Variants in ENPEP observed in about 807,000 individuals in gnomAD.
ENPEP encodes the protein glutamyl aminopeptidase.
In ENPEP, 103 loss-of-function variants were observed where a neutral mutation model predicts 114.5. That is an observed-to-expected ratio of 0.90 (90% CI 0.77 to 1.06). The LOEUF is 1.06. ENPEP is among the 50% of genes least tolerant of loss of function. The pLI, the probability that ENPEP is intolerant of heterozygous loss-of-function variation, is 0.00. For missense variants in ENPEP, 1,196 were observed against 1,161.3 expected (o/e 1.03, Z -0.43); for synonymous variants, 420 against 422.0 (o/e 1.00, Z 0.06).
intron 3 of ENPEP, 76 bp from the exon 4 acceptor site, chr4:110,506,561 T>A (rs1725374665): frequency 6.8e-7 from 1 of 1,461,548 alleles, no homozygotes; most frequent in East Asian, 2.4e-5. Context: ...CTTTCAAGTA[T>A]GTTATGCATC....
intron 1 of ENPEP, among the ~76,000 whole-genome samples, chr4:110,480,476 T>C (rs1367365011): frequency 2.0e-5 from 3 of 152,166 alleles, no homozygotes; most frequent in Non-Finnish European, 4.4e-5. Context: ...GACGTTTGTA[T>C]CATTTTAAAC....
chr4:110,561,446 G>T lies in ENPEP; in HGVS notation c.2762G>T (p.Gly921Val). ...FFAKYPQAGA[G>V]EKPREQVLET... ...GCAAAATATCCACAAGCTGGAGCAG[G>T]AGAAAAACCTAGGGAACAAGTGCTG... The change falls in exon 20 of 20, where the codon GGA becomes GTA. Residue 921 changes from glycine to valine, a missense_variant. Transcript: ENST00000265162. 2.5e-6 allele frequency: 4 copies of T among 1,614,020 alleles called. No individual in the cohort carries two copies. The highest frequency in any genetic ancestry group is 3.4e-6 in the Non-Finnish European group (4 of 1,179,942).
chr4:110,510,754 A>G (rs1725545769), intron 6 of ENPEP, among the ~76,000 whole-genome samples: 1 of 152,242 alleles, frequency 6.6e-6, no homozygotes, highest in Non-Finnish European at 1.5e-5. Context: ...AAACAGTGTG[A>G]TGAAGAGATA....
rs983373908 is a variant in ENPEP, at chr4:110,562,175, T to A, written c.*617T>A. On this transcript the variant is annotated 3_prime_UTR_variant, in exon 20 of 20. Coordinates refer to ENST00000265162, the MANE Select transcript of ENPEP (RefSeq NM_001977.4). ...TAAAATCAATAAGAGAACTCTCCTC[T>A]TTTTTTAAAAATAAATCTAAATGAT... 9.2e-5 allele frequency: 14 copies of A among 152,128 alleles called. No individual in the cohort carries two copies. The highest frequency in any genetic ancestry group is 3.4e-4 in the African/African-American group (14 of 41,434). The allele number at this position is 152,128 out of a possible 1,614,324, so 9.4% of individuals were successfully genotyped here.
Position 110,520,290 on chromosome 4 carries a change from G to A in ENPEP, c.1651G>A (p.Gly551Ser), listed in dbSNP as rs754130501. 29 of 1,613,722 alleles carry A rather than the reference G, an allele frequency of 1.8e-5. No individual in the cohort carries two copies. The highest frequency in any genetic ancestry group is 1.6e-4 in the Middle Eastern group (1 of 6,080). ...QMGYPVLNVN[G>S]VKNITQKRFL... ...GGGTTATCCTGTGCTTAACGTGAAC[G>A]GTGTCAAGAACATCACACAGAAACG... The change falls in exon 10 of 20, where the codon GGT becomes AGT. Residue 551 changes from glycine to serine, a missense_variant. Physicochemically the swap from Gly to Ser is moderately conservative, Grantham distance 56. Transcript: ENST00000265162.
At position 110,561,850 on chromosome 4, in the gene ENPEP, C is replaced by A. The variant is rs1727692540; in HGVS notation, c.*292C>A. 1 of 201,040 alleles carries A rather than the reference C, an allele frequency of 5.0e-6. No homozygotes were observed. The allele number at this position is 201,040 out of a possible 1,614,324, so 12.5% of individuals were successfully genotyped here. ...TATTTTAATACCTTTAAATATCATT[C>A]TTTGTATCTTAAATCTGTGAAGTAG... On this transcript the variant is annotated 3_prime_UTR_variant, in exon 20 of 20. Coordinates refer to ENST00000265162, the MANE Select transcript of ENPEP (RefSeq NM_001977.4).
chr4:110,561,565 C>A lies in ENPEP; in HGVS notation c.*7C>A. 1.2e-6 allele frequency: 2 copies of A among 1,604,006 alleles called. No individual in the cohort carries two copies. The highest frequency in any genetic ancestry group is 1.1e-5 in the South Asian group (1 of 89,294). On this transcript the variant is annotated 3_prime_UTR_variant, in exon 20 of 20. Transcript: ENST00000265162. ...TTTACTTGAGAGTGGTTAATGTATT[C>A]AAATGTTAGAGTTTAATTTTGTGAA... is the stretch of plus-strand genomic sequence containing the variant.
intron 1 of ENPEP, among the ~76,000 whole-genome samples, chr4:110,480,142 A>G (rs1286376526): frequency 3.3e-5 from 5 of 152,220 alleles, no homozygotes; most frequent in Admixed American, 2.0e-4. Flanking sequence ...CCAAGTTTGT[A>G]TGTTTCATTG....
chr4:110,512,217 A>C (rs1725602792), intron 6 of ENPEP, among the ~76,000 whole-genome samples: 1 of 152,248 alleles, frequency 6.6e-6, no homozygotes, highest in South Asian at 2.1e-4. Context: ...AATAAATACC[A>C]CAATCATGGA....
rs1049101835 is a variant in ENPEP at position 110,513,518 on chromosome 4, C to A, written c.1412C>A (p.Thr471Lys). ...ACTGTGACAACCCCTGATGAAATAA[C>A]ATCTGTTTTTGATGGAATATCCTAT... Reference protein sequence around the residue: ...IVTVTTPDEITSVFDGISYSK... With the variant: ...IVTVTTPDEIKSVFDGISYSK... Residue 471 changes from threonine to lysine, a missense_variant, in exon 7 of 20, where the codon ACA becomes AAA. By Grantham distance (78) the Thr-to-Lys change is moderately conservative. Transcript: ENST00000265162. The A allele has an allele frequency of 6.2e-7, 1 of 1,613,234 alleles. No individual in the cohort carries two copies. Among genetic ancestry groups the A allele is most frequent in the African/African-American group, 1.3e-5 (1 of 75,004 alleles).
intron 3 of ENPEP, chr4:110,506,405 C>A (rs557748535): frequency 2.9e-5 from 12 of 408,990 alleles, no homozygotes; most frequent in Admixed American, 2.1e-4. Context: ...TCATTAAAAT[C>A]ACTTAGTGAG....
chr4:110,560,719 A>T (rs1320447649), intron 19 of ENPEP, among the ~76,000 whole-genome samples: 1 of 152,154 alleles, frequency 6.6e-6, no homozygotes, highest in East Asian at 1.9e-4. Flanking sequence ...TAGTTTTGCA[A>T]TTTCAAAACT....
intron 6 of ENPEP, among the ~76,000 whole-genome samples, chr4:110,510,919 A>G (rs571691767): frequency 6.6e-6 from 1 of 152,306 alleles, no homozygotes; most frequent in East Asian, 1.9e-4. Context: ...TCTATCTTGT[A>G]AGCTTAAAAG....
intron 3 of ENPEP, among the ~76,000 whole-genome samples, chr4:110,504,508 C>T (rs1443187837): frequency 1.3e-5 from 2 of 152,092 alleles, no homozygotes; most frequent in Non-Finnish European, 2.9e-5. Flanking sequence ...GGGGCCACTG[C>T]ACTGCTGGCC....
intron 3 of ENPEP, among the ~76,000 whole-genome samples, chr4:110,505,368 G>A (rs1288810120): frequency 1.3e-5 from 2 of 151,488 alleles, no homozygotes; most frequent in Admixed American, 6.6e-5. Context: ...TGCCGTCTTC[G>A]GAGGTGAAGA....
intron 1 of ENPEP, among the ~76,000 whole-genome samples, chr4:110,485,632 A>G (rs1256805112): frequency 2.6e-5 from 4 of 152,180 alleles, no homozygotes; most frequent in Non-Finnish European, 4.4e-5. Context: ...TGCAGTACCC[A>G]GTCTGGAATG....
intron 11 of ENPEP, among the ~76,000 whole-genome samples, chr4:110,537,548 T>C (rs1726684001): frequency 2.6e-5 from 4 of 152,298 alleles, no homozygotes; most frequent in Admixed American, 2.6e-4. Context: ...ACATCCTCCA[T>C]ATAGGTCTTG....
At chr4:110,540,677 A>G (rs559498253) in intron 11 of ENPEP, among the ~76,000 whole-genome samples, 16 of 152,280 alleles carry the variant, frequency 1.1e-4, no homozygotes, top group Middle Eastern at 3.4e-3. Context: ...TATAAAGCAC[A>G]CTAAAATATG....
chr4:110,523,465 G>C, intron 10 of ENPEP, among the ~76,000 whole-genome samples: 1 of 152,122 alleles, frequency 6.6e-6, no homozygotes, highest in African/African-American at 2.4e-5. Flanking sequence ...TTATGCCATT[G>C]ATACAGTATA....
Sources: allele counts gnomAD v4.1 joint callset (sites outside exome capture counted in the v4.1 genomes callset), GRCh38; gene constraint gnomAD v4.1.1; transcripts MANE v1.5; gene names NCBI Gene and HGNC (gene_info 2026-07-23, HGNC 2026-07-21).